The following UPRT variants were observed in gnomAD, a reference collection of about 807,000 sequenced individuals.
The protein encoded by UPRT is RP11-311P8.3.
Under a neutral mutation model 22.6 loss-of-function variants are expected in UPRT, and 5 were observed. The observed-to-expected ratio is 0.22, with a 90% CI of 0.12 to 0.47. UPRT has a LOEUF of 0.47. Ranked by LOEUF, UPRT falls within the 20% of genes least tolerant of loss-of-function variation. UPRT has a pLI of 0.99. For synonymous variants in UPRT, 77 were observed against 87.7 expected (o/e 0.88, Z 0.68); for missense variants, 181 against 239.9 (o/e 0.75, Z 1.62).
intron 4 of UPRT, among the ~76,000 whole-genome samples, chrX:75,186,154 C>T (rs917681254): frequency 1.8e-5 from 2 of 110,756 alleles, no homozygotes; most frequent in Non-Finnish European, 3.8e-5. Context: ...CTCTTGTGGG[C>T]ATGTAGTGCT....
chrX:75,204,205 C>A (rs2082356477), intron 4 of UPRT, among the ~76,000 whole-genome samples: 1 of 110,681 alleles, frequency 9.0e-6, no homozygotes, highest in African/African-American at 3.3e-5. Context: ...AAGAAAGGGG[C>A]AACCTGCTAT....
At chrX:75,294,076 A>G (rs1004444980) in intron 2 of UPRT, among the ~76,000 whole-genome samples, 5 of 110,244 alleles carry the variant, frequency 4.5e-5, no homozygotes, top group African/African-American at 1.6e-4. Flanking sequence ...ATCTCAGTCC[A>G]AATTGGTTTG....
At chrX:75,297,694 G>A in intron 4 of UPRT, 141 bp downstream of exon 4, 2 of 668,013 alleles carry the variant, frequency 3.0e-6, no homozygotes, top group Non-Finnish European at 4.7e-6. Flanking sequence ...TAGCCTCATG[G>A]TGCTGTGGAG....
intron 4 of UPRT, among the ~76,000 whole-genome samples, chrX:75,183,108 G>A (rs1022492612): frequency 9.1e-6 from 1 of 110,086 alleles, no homozygotes. Context: ...GTGACATGTT[G>A]GCATGCTACA....
At chrX:75,189,400 A>C in intron 4 of UPRT, among the ~76,000 whole-genome samples, 1 of 111,971 alleles carries the variant, frequency 8.9e-6, no homozygotes, top group Middle Eastern at 4.6e-3. Flanking sequence ...CTTTACTTCC[A>C]ACTATGTGGT....
chrX:75,256,085 C>G (rs1189227554), intron 4 of UPRT, among the ~76,000 whole-genome samples: 1 of 111,711 alleles, frequency 9.0e-6, no homozygotes, highest in Non-Finnish European at 1.9e-5. Context: ...GTGCGTGGAA[C>G]TTTCTCCAAG....
chrX:75,228,785 T>G (rs2082429972), intron 4 of UPRT, among the ~76,000 whole-genome samples: 1 of 111,990 alleles, frequency 8.9e-6, no homozygotes, highest in Non-Finnish European at 1.9e-5. Flanking sequence ...TACTTTCAAG[T>G]AAACTAACTT....
intron 4 of UPRT, among the ~76,000 whole-genome samples, chrX:75,213,537 CAGAG>C (rs1335755019): frequency 9.0e-6 from 1 of 111,558 alleles, no homozygotes; most frequent in Non-Finnish European, 1.9e-5. Flanking sequence ...CAGAAATTGT[CAGAG>C]GGAGTCAAGA....
intron 4 of UPRT, among the ~76,000 whole-genome samples, chrX:75,184,617 G>A (rs1281082189): frequency 1.9e-5 from 2 of 107,642 alleles, no homozygotes; most frequent in Non-Finnish European, 3.8e-5. Flanking sequence ...ACCTTGGGCA[G>A]TATGGCCATT....
chrX:75,277,290 T>G (rs1276904443), intron 1 of UPRT, among the ~76,000 whole-genome samples: 1 of 111,501 alleles, frequency 9.0e-6, no homozygotes, highest in Admixed American at 9.5e-5. Context: ...GTGCCCTTGC[T>G]ATAGCGCTTG....
intron 4 of UPRT, among the ~76,000 whole-genome samples, chrX:75,262,946 C>A (rs1456419367): frequency 9.0e-6 from 1 of 111,293 alleles, no homozygotes; most frequent in Non-Finnish European, 1.9e-5. Flanking sequence ...AGCTCTGGAC[C>A]AAGCAGACCT....
intron 4 of UPRT, among the ~76,000 whole-genome samples, chrX:75,178,302 T>C (rs893874431): frequency 1.8e-5 from 2 of 111,792 alleles, no homozygotes; most frequent in African/African-American, 6.5e-5. Context: ...TAAGGAAAGA[T>C]AGGACAGAAT....
chrX:75,278,025 TATC>T (rs2082638464), intron 1 of UPRT, among the ~76,000 whole-genome samples: 1 of 111,753 alleles, frequency 8.9e-6, no homozygotes, highest in African/African-American at 3.2e-5. Context: ...TGCCATCAGT[TATC>T]ATACCCTGTT....
intron 4 of UPRT, among the ~76,000 whole-genome samples, chrX:75,230,805 C>T (rs983220936): frequency 9.0e-6 from 1 of 111,694 alleles, no homozygotes; most frequent in Non-Finnish European, 1.9e-5. Context: ...CATCACCAGC[C>T]TAAATCCCAG....
At chrX:75,184,704 G>A (rs1412950592) in intron 4 of UPRT, among the ~76,000 whole-genome samples, 1 of 108,412 alleles carries the variant, frequency 9.2e-6, no homozygotes, top group Non-Finnish European at 1.9e-5. Flanking sequence ...ATTTCCTTGA[G>A]CAGTGGTTTG....
Position 75,246,295 on chromosome X carries a change from C to A in UPRT, c.-446-44729C>A, listed in dbSNP as rs1425722940. Among the ~76,000 whole-genome samples the A allele has an allele frequency of 2.1e-5, 2 of 94,176 alleles. 1 individual carries two copies. Among genetic ancestry groups the A allele is most frequent in the Non-Finnish European group, 4.2e-5 (2 of 48,001 alleles). The allele number at this position is 94,176 out of a possible 115,157, so 81.8% of individuals were successfully genotyped here. ...ACAGGCCTCGGTGTGTGATGTTCCCCTTCCTGTGTCCATGTGTTCTCATTG... is the reference window on the plus strand; with the variant it reads ...ACAGGCCTCGGTGTGTGATGTTCCCATTCCTGTGTCCATGTGTTCTCATTG... On this transcript the variant is annotated intron_variant, in intron 4 of 13. Coordinates refer to the UPRT transcript ENST00000652605.
chrX:75,157,570 G>A (rs920710371), intron 1 of UPRT, among the ~76,000 whole-genome samples: 1 of 112,049 alleles, frequency 8.9e-6, no homozygotes, highest in Non-Finnish European at 1.9e-5. Flanking sequence ...TTCATTCTAA[G>A]AAGTTAATAC....
chrX:75,163,906 A>G (rs891212641), intron 3 of UPRT, among the ~76,000 whole-genome samples: 3 of 111,430 alleles, frequency 2.7e-5, no homozygotes, highest in African/African-American at 9.8e-5. Flanking sequence ...GGCTGGGTGC[A>G]GTGGTTCAAT....
At chrX:75,254,279 A>G (rs1312077182) in intron 4 of UPRT, among the ~76,000 whole-genome samples, 1 of 111,904 alleles carries the variant, frequency 8.9e-6, no homozygotes, top group East Asian at 2.8e-4. Context: ...AGGAAATTTA[A>G]AAAATGATAT....
Sources: allele counts gnomAD v4.1 joint callset (sites outside exome capture counted in the v4.1 genomes callset), GRCh38; gene constraint gnomAD v4.1.1; transcripts MANE v1.5; gene names NCBI Gene and HGNC (gene_info 2026-07-23, HGNC 2026-07-21).